FARS2: variants seen among roughly 807,000 people sequenced by gnomAD.
The protein encoded by FARS2 is phenylalanine--tRNA ligase, mitochondrial.
In FARS2, 40 loss-of-function variants were observed where a neutral mutation model predicts 46.4. That is an observed-to-expected ratio of 0.86 (90% confidence interval 0.67 to 1.12). FARS2 has a LOEUF of 1.12. Ranked by LOEUF, FARS2 falls within the 50% of genes most tolerant of loss-of-function variation. The probability of loss-of-function intolerance (pLI) is 0.00; values close to 1 mark genes in which losing one functional copy is unlikely to be tolerated. For missense variants in FARS2, 513 were observed against 567.9 expected, an observed-to-expected ratio of 0.90 and a Z score of 0.98; for synonymous variants, 234 against 214.9, an observed-to-expected ratio of 1.09 and a Z score of -0.78.
At chr6:5,351,261 T>C (rs1757555667) in intron 1 of FARS2, among the ~76,000 whole-genome samples, 2 of 152,360 alleles carry the variant, frequency 1.3e-5, no homozygotes, top group South Asian at 4.1e-4. Flanking sequence ...TATGCAAATA[T>C]GTTGAATGAT....
At chr6:5,720,481 GCAGA>G (rs1404896350) in intron 6 of FARS2, among the ~76,000 whole-genome samples, 1 of 152,170 alleles carries the variant, frequency 6.6e-6, no homozygotes, top group Non-Finnish European at 1.5e-5. Context: ...GCTTCAGAAG[GCAGA>G]CAAATACTAA....
At chr6:5,703,009 A>T (rs545806793) in intron 6 of FARS2, among the ~76,000 whole-genome samples, 27 of 152,196 alleles carry the variant, frequency 1.8e-4, no homozygotes, top group Non-Finnish European at 3.4e-4. Context: ...TTTCAGTGTT[A>T]CGGGATCCTT....
rs1562036407 is a variant in FARS2 at position 5,432,330 on chromosome 6, A to ATGTG, written c.904+1159_904+1160insGTGT. 3.0e-3 allele frequency among the ~76,000 whole-genome samples: 107 copies of ATGTG among 35,274 alleles called. 1 individual carries two copies. Among genetic ancestry groups the ATGTG allele is most frequent in the African/African-American group, 6.9e-3 (104 of 15,138 alleles). 23.1% of individuals were successfully genotyped at this position (35,274 alleles called of 152,430 possible). A position where few individuals can be genotyped will look rare whatever the true frequency, so the allele number is the denominator to read the frequency against. On this transcript the variant is annotated intron_variant, in intron 4 of 6. Transcript: ENST00000274680. ...ACTCAGTCTTAAAAAAAAAAAAAAT[A>ATGTG]TATATATATATATATATATATTATA...
chr6:5,252,963 C>T, the FARS2 span, among the ~76,000 whole-genome samples: 1 of 152,274 alleles, frequency 6.6e-6, no homozygotes. Context: ...CTTCCTATGA[C>T]TTCTGGTCAA....
intron 5 of FARS2, among the ~76,000 whole-genome samples, chr6:5,590,263 G>A (rs1295847840): frequency 6.6e-6 from 1 of 152,174 alleles, no homozygotes; most frequent in African/African-American, 2.4e-5. Flanking sequence ...GCATGAGGCT[G>A]GTAGCAGTGT....
chr6:5,353,726 GTTTTTTTT>G (rs55998904), intron 1 of FARS2, among the ~76,000 whole-genome samples: 4 of 40,362 alleles, frequency 9.9e-5, no homozygotes, highest in Admixed American at 7.8e-4. Flanking sequence ...AATATTTGGT[GTTTTTTTT>G]TTTTTTTTTT....
At chr6:5,539,384 G>GTATATATATATATATATA (rs1554106819) in intron 4 of FARS2, among the ~76,000 whole-genome samples, 968 of 79,518 alleles carry the variant, frequency 0.012, 48 homozygotes, top group African/African-American at 0.041. Flanking sequence ...TTTTTTTTGT[G>GTATATATATATATATATA]TATATATATA....
chr6:5,273,516 T>G (rs977396415), intron 1 of FARS2, among the ~76,000 whole-genome samples: 1 of 35,996 alleles, frequency 2.8e-5, no homozygotes, highest in Non-Finnish European at 6.1e-5. Flanking sequence ...CAGATTGTGT[T>G]TTTTTTTTAT....
At chr6:5,613,120 C>T (rs1387721850) in intron 5 of FARS2, 49 bp from the exon 6 acceptor site, 3 of 1,512,224 alleles carry the variant, frequency 2.0e-6, no homozygotes, top group African/African-American at 1.4e-5. Context: ...TTTAAATATT[C>T]TCATTCAACT....
At chr6:5,498,770 G>A (rs1767621993) in intron 4 of FARS2, among the ~76,000 whole-genome samples, 1 of 152,360 alleles carries the variant, frequency 6.6e-6, no homozygotes, top group South Asian at 2.1e-4. Flanking sequence ...ATAGGAGCAT[G>A]AAGAGAAGGT....
chr6:5,584,449 C>T (rs778549226), intron 5 of FARS2, among the ~76,000 whole-genome samples: 7 of 152,140 alleles, frequency 4.6e-5, no homozygotes, highest in Non-Finnish European at 1.0e-4. Flanking sequence ...GTAATGATTA[C>T]TCTGGTTAGG....
intron 1 of FARS2, among the ~76,000 whole-genome samples, chr6:5,276,380 C>T (rs945869119): frequency 6.6e-6 from 1 of 152,118 alleles, no homozygotes; most frequent in Non-Finnish European, 1.5e-5. Context: ...TAGATAATCA[C>T]ATAATTTATT....
intron 1 of FARS2, among the ~76,000 whole-genome samples, chr6:5,267,064 A>G (rs746879845): frequency 6.6e-6 from 1 of 152,102 alleles, no homozygotes; most frequent in Non-Finnish European, 1.5e-5. Flanking sequence ...TTGGAGGCTA[A>G]GGGTTCCCGT....
At chr6:5,432,332 ATATATATATATATATATAT>A (rs1562036426) in intron 4 of FARS2, among the ~76,000 whole-genome samples, 1,614 of 34,796 alleles carry the variant, frequency 0.046, 28 homozygotes, top group Middle Eastern at 0.065. Flanking sequence ...AAAAAAATAT[ATATATATATATATATATAT>A]TATATATATA....
rs954089184 is a variant in FARS2 at position 5,264,563 on chromosome 6, G to A, written c.-22+2903G>A. ...GGCTGGAGTGCAATGGTGCAATCTCGTCCGGCTAATTTTTTGTATTTTTAG... is the reference window on the plus strand; with the variant it reads ...GGCTGGAGTGCAATGGTGCAATCTCATCCGGCTAATTTTTTGTATTTTTAG... On this transcript the variant is annotated intron_variant, in intron 1 of 6. Coordinates refer to ENST00000274680, the MANE Select transcript of FARS2 (RefSeq NM_006567.5). Among the ~76,000 whole-genome samples, 8 of 147,894 alleles carry A rather than the reference G, an allele frequency of 5.4e-5. No homozygotes were observed. In the East Asian group the frequency reaches 1.0e-3, roughly 18 times the overall value.
At chr6:5,707,490 A>C (rs749461181) in intron 6 of FARS2, among the ~76,000 whole-genome samples, 1 of 152,204 alleles carries the variant, frequency 6.6e-6, no homozygotes, top group Non-Finnish European at 1.5e-5. Context: ...AGGCCCACAG[A>C]CTTGCTCACA....
chr6:5,254,964 C>G, the FARS2 span, among the ~76,000 whole-genome samples: 1 of 152,158 alleles, frequency 6.6e-6, no homozygotes, highest in Admixed American at 6.5e-5. Context: ...CCCCCACAAT[C>G]TGGGTTCTGC....
At chr6:5,641,380 T>C (rs1416923457) in intron 6 of FARS2, among the ~76,000 whole-genome samples, 1 of 152,190 alleles carries the variant, frequency 6.6e-6, no homozygotes, top group African/African-American at 2.4e-5. Flanking sequence ...CACTGCAACC[T>C]CCACCCCCTG....
chr6:5,392,845 A>G (rs1256933390), intron 2 of FARS2, among the ~76,000 whole-genome samples: 2 of 107,532 alleles, frequency 1.9e-5, no homozygotes, highest in Non-Finnish European at 4.2e-5. Flanking sequence ...ATATGTGTGT[A>G]TATATTATAT....
Sources: gnomAD v4.1 joint callset for allele counts (sites outside exome capture counted in the v4.1 genomes callset) on GRCh38, gnomAD v4.1.1 for gene constraint, MANE v1.5 for transcripts, NCBI Gene and HGNC (gene_info 2026-07-23, HGNC 2026-07-21) for gene names.